TMUB1: variants seen among roughly 807,000 people sequenced by gnomAD.
TMUB1 encodes transmembrane and ubiquitin like domain containing 1.
TMUB1 carries 9 observed loss-of-function variants against 16.2 expected under a neutral mutation model. The observed-to-expected ratio is 0.55, with a 90% confidence interval of 0.33 to 0.97. The LOEUF (loss-of-function observed/expected upper bound fraction) is 0.97. Among genes scored for constraint, TMUB1 ranks in the 50% least tolerant of loss-of-function variants. The probability of loss-of-function intolerance (pLI) is 0.03; values close to 1 mark genes in which losing one functional copy is unlikely to be tolerated. For synonymous variants in TMUB1, 155 were observed against 152.2 expected (o/e 1.02, Z -0.13); for missense variants, 309 against 313.5 (o/e 0.99, Z 0.11).
chr7:151,081,591 G>A lies in TMUB1; in HGVS notation c.699C>T (p.Thr233=). The A allele has an allele frequency of 1.9e-6, 3 of 1,608,886 alleles. No homozygotes were observed. The highest frequency in any genetic ancestry group is 2.5e-6 in the Non-Finnish European group (3 of 1,178,562). ...CAAAGGCCAGGAGACTGAGGAGCAG[G>A]GTGAAGCCGGCCAGGCCCAGAGTGG... ...LTATLGLAGF[T]LLLSLLAFAM... The change falls in exon 3 of 3, where the codon ACC becomes ACT. Residue 233 remains threonine, a synonymous_variant. Coordinates refer to ENST00000297533, the MANE Select transcript of TMUB1 (RefSeq NM_001136044.2). This position sits in a 1 kb window ranked among gnomAD's most constrained non-coding sequence, Gnocchi z 7.6.
Position 151,082,097 on chromosome 7 carries a change from AG to A in TMUB1, c.389+77del. On this transcript the variant is annotated intron_variant, in intron 2 of 2. Transcript: ENST00000297533. This position sits in a 1 kb window ranked among gnomAD's most constrained non-coding sequence, Gnocchi z 7.0. Reference sequence around the variant, plus strand: ...CCAGTATAAAGGAGGGCTGGGTCTTAGGTGTCTCTGGGGGCCTTCTGCGACC... The same window carrying A: ...CCAGTATAAAGGAGGGCTGGGTCTTAGTGTCTCTGGGGGCCTTCTGCGACC... The A allele has an allele frequency of 6.8e-7, 1 of 1,473,028 alleles. No homozygotes were observed. Among genetic ancestry groups the A allele is most frequent in the East Asian group, 2.4e-5 (1 of 41,478 alleles). The allele number at this position is 1,473,028 out of a possible 1,614,324, so 91.2% of individuals were successfully genotyped here.
At position 151,082,033 on chromosome 7, in the gene TMUB1, G is replaced by C; in HGVS notation, c.390-133C>G. ...TGGCCTGGGAGGGGCCGTCTGCCAG[G>C]GGAACAAGTACAGTTGTGATCTGGG... On this transcript the variant is annotated intron_variant, in intron 2 of 2. Coordinates refer to ENST00000297533, the MANE Select transcript of TMUB1 (RefSeq NM_001136044.2). This position sits in a 1 kb window ranked among gnomAD's most constrained non-coding sequence, Gnocchi z 7.0. 1 of 1,402,704 alleles carries C rather than the reference G, an allele frequency of 7.1e-7. No homozygotes were observed. Among genetic ancestry groups the C allele is most frequent in the Non-Finnish European group, 9.5e-7 (1 of 1,056,082 alleles). The allele number at this position is 1,402,704 out of a possible 1,614,324, so 86.9% of individuals were successfully genotyped here. A position where few individuals can be genotyped will look rare whatever the true frequency, so the allele number is the denominator to read the frequency against.
At position 151,081,304 on chromosome 7, in the gene TMUB1, C is replaced by A. The variant is rs1797976217; in HGVS notation, c.*245G>T. The A allele has an allele frequency of 3.8e-6, 2 of 531,762 alleles. No homozygotes were observed. Among genetic ancestry groups the A allele is most frequent in the Non-Finnish European group, 5.3e-6 (2 of 379,632 alleles). The allele number at this position is 531,762 out of a possible 1,614,324, so 32.9% of individuals were successfully genotyped here. Reference sequence around the variant, plus strand: ...CGAGGCAGCGACAGCAGATGCCCGACCCCGAGGAGCCCACTCCCAGTGCGG... The same window carrying A: ...CGAGGCAGCGACAGCAGATGCCCGAACCCGAGGAGCCCACTCCCAGTGCGG... On this transcript the variant is annotated 3_prime_UTR_variant, in exon 3 of 3. Coordinates refer to ENST00000297533, the MANE Select transcript of TMUB1 (RefSeq NM_001136044.2). This position sits in a 1 kb window ranked among gnomAD's most constrained non-coding sequence, Gnocchi z 7.6.
chr7:151,082,051 G>C lies in TMUB1; in HGVS notation c.389+124C>G. The C allele has an allele frequency of 7.1e-7, 1 of 1,417,378 alleles. No homozygotes were observed. Among genetic ancestry groups the C allele is most frequent in the Non-Finnish European group, 9.4e-7 (1 of 1,067,144 alleles). 87.8% of individuals were successfully genotyped at this position (1,417,378 alleles called of 1,614,324 possible). On this transcript the variant is annotated intron_variant, in intron 2 of 2. Transcript: ENST00000297533. The surrounding 1 kb of genome is among the most constrained non-coding windows in gnomAD (Gnocchi z 7.0). The stretch of plus-strand genomic sequence containing the variant: ...CTGCCAGGGGAACAAGTACAGTTGT[G>C]ATCTGGGGCGCTCAGCGCCTCCAGT...
In TMUB1 at chr7:151,081,722, G is replaced by T; in HGVS notation, c.568C>A (p.Pro190Thr). The change falls in exon 3 of 3, where the codon CCC becomes ACC. Residue 190 changes from proline (P) to threonine (T), a missense_variant. Transcript: ENST00000297533. The surrounding 1 kb of genome is among the most constrained non-coding windows in gnomAD (Gnocchi z 7.6). ...AGGCTGCCGATTTCCAGCCCGGAGG[G>T]GCCGGGCTCGGACCCCGGCGGGCAG... ...PPCPPGSEPGPSGLEIGSLLL... is the reference protein window; with the variant it reads ...PPCPPGSEPGTSGLEIGSLLL... 6.3e-7 allele frequency: 1 copy of T among 1,583,302 alleles called. No individual in the cohort carries two copies. Among genetic ancestry groups the T allele is most frequent in the East Asian group, 2.3e-5 (1 of 43,990 alleles).
rs1585017163 is a variant in TMUB1 at position 151,081,387 on chromosome 7, C to G, written c.*162G>C. 8.3e-7 allele frequency: 1 copy of G among 1,208,028 alleles called. No individual in the cohort carries two copies. The highest frequency in any genetic ancestry group is 3.6e-5 in the East Asian group (1 of 28,072). 74.8% of individuals were successfully genotyped at this position (1,208,028 alleles called of 1,614,324 possible). On this transcript the variant is annotated 3_prime_UTR_variant, in exon 3 of 3. Transcript: ENST00000297533. The surrounding 1 kb of genome is among the most constrained non-coding windows in gnomAD (Gnocchi z 7.6). ...GAGCCCCGGCGGTCGCAGGGCGGGG[C>G]CTCCGCCAGTCCCGGGAGTCCTCTG...
In TMUB1 at chr7:151,081,639, G is replaced by A. The variant is rs760266835; in HGVS notation, c.651C>T (p.Tyr217=). 1.2e-6 allele frequency: 2 copies of A among 1,600,906 alleles called. No homozygotes were observed. The highest frequency in any genetic ancestry group is 2.2e-5 in the South Asian group (2 of 89,378). Reference sequence around the variant, plus strand: ...TGGCGGTCAGGGGAAAGAAGGGCCGGTACTGGATCTGGCAGTACCAGAGCA... The same window carrying A: ...TGGCGGTCAGGGGAAAGAAGGGCCGATACTGGATCTGGCAGTACCAGAGCA... The part of the protein sequence containing the change: ...LLLLWYCQIQ[Y]RPFFPLTATL... Residue 217 remains tyrosine, a synonymous_variant, in exon 3 of 3, where the codon TAC becomes TAT. Coordinates refer to ENST00000297533, the MANE Select transcript of TMUB1 (RefSeq NM_001136044.2). The surrounding 1 kb of genome is among the most constrained non-coding windows in gnomAD (Gnocchi z 7.6).
Position 151,081,750 on chromosome 7 carries a change from G to T in TMUB1, c.540C>A (p.Pro180=), listed in dbSNP as rs1486893707. Residue 180 remains proline (P), a synonymous_variant, in exon 3 of 3, where the codon CCC becomes CCA. Coordinates refer to ENST00000297533, the MANE Select transcript of TMUB1 (RefSeq NM_001136044.2). This position sits in a 1 kb window ranked among gnomAD's most constrained non-coding sequence, Gnocchi z 7.6. ...HVSTRVGPPN[P]PCPPGSEPGP... is the part of the protein sequence containing the mutation. ...CGGGCTCGGACCCCGGCGGGCAGGG[G>T]GGATTTGGGGGACCGACTCTCGTGG... 3.1e-6 allele frequency: 5 copies of T among 1,592,650 alleles called. No homozygotes were observed. In the South Asian group the frequency reaches 4.6e-5, roughly 15 times the overall value.
rs1187581540 is a variant in TMUB1, at chr7:151,081,308, G to A, written c.*241C>T. Reference sequence around the variant, plus strand: ...GCAGCGACAGCAGATGCCCGACCCCGAGGAGCCCACTCCCAGTGCGGGCTG... The same window carrying A: ...GCAGCGACAGCAGATGCCCGACCCCAAGGAGCCCACTCCCAGTGCGGGCTG... On this transcript the variant is annotated 3_prime_UTR_variant, in exon 3 of 3. Coordinates refer to ENST00000297533, the MANE Select transcript of TMUB1 (RefSeq NM_001136044.2). This position sits in a 1 kb window ranked among gnomAD's most constrained non-coding sequence, Gnocchi z 7.6. 10 of 573,226 alleles carry A rather than the reference G, an allele frequency of 1.7e-5. No homozygotes were observed. Among genetic ancestry groups the A allele is most frequent in the African/African-American group, 2.0e-5 (1 of 50,344 alleles). 35.5% of individuals were successfully genotyped at this position (573,226 alleles called of 1,614,324 possible).
rs957931480 is a variant in TMUB1, at chr7:151,081,957, C to A, written c.390-57G>T. On this transcript the variant is annotated intron_variant, in intron 2 of 2. Transcript: ENST00000297533. The surrounding 1 kb of genome is among the most constrained non-coding windows in gnomAD (Gnocchi z 7.6). ...GGCCTCAGGCAATCCTAGTCCCTGG[C>A]CCCGGAACAGCACTCCCACCCTCCC... 1.4e-6 allele frequency: 2 copies of A among 1,445,048 alleles called. No individual in the cohort carries two copies. Among genetic ancestry groups the A allele is most frequent in the Admixed American group, 5.3e-5 (2 of 37,898 alleles). 89.5% of individuals were successfully genotyped at this position (1,445,048 alleles called of 1,614,324 possible).
At position 151,082,359 on chromosome 7, in the gene TMUB1, C is replaced by T; in HGVS notation, c.205G>A (p.Ala69Thr). Reference protein sequence around the residue: ...TDSMRGEAPGAETPSLRHRGQ... With the variant: ...TDSMRGEAPGTETPSLRHRGQ... The stretch of plus-strand genomic sequence containing the variant: ...CTGTGTCTCAGGCTGGGGGTCTCTG[C>T]CCCTGGGGCCTCCCCTCTCATGCTG... The change falls in exon 2 of 3, where the codon GCA (alanine) becomes ACA (threonine). Residue 69 changes from alanine (A) to threonine (T), a missense_variant. Ala to Thr is a moderately conservative substitution (Grantham distance 58). Transcript: ENST00000297533. This position sits in a 1 kb window ranked among gnomAD's most constrained non-coding sequence, Gnocchi z 7.0. 6.3e-7 allele frequency: 1 copy of T among 1,595,804 alleles called. No homozygotes were observed. Among genetic ancestry groups the T allele is most frequent in the Non-Finnish European group, 8.5e-7 (1 of 1,170,730 alleles).
chr7:151,082,448 G>T lies in TMUB1; in HGVS notation c.116C>A (p.Pro39Gln), dbSNP rs757993678. Residue 39 changes from proline to glutamine, a missense_variant, in exon 2 of 3, where the codon CCA (proline) becomes CAA (glutamine). By Grantham distance (76) the Pro-to-Gln change is moderately conservative. Coordinates refer to ENST00000297533, the MANE Select transcript of TMUB1 (RefSeq NM_001136044.2). This position sits in a 1 kb window ranked among gnomAD's most constrained non-coding sequence, Gnocchi z 7.0. ...TGGGGTCCCTGACGGCTGGGGCAGTGGGTCCCCGCCCTCAGCGGTGTGCGT... is the reference window on the plus strand; with the variant it reads ...TGGGGTCCCTGACGGCTGGGGCAGTTGGTCCCCGCCCTCAGCGGTGTGCGT... ...VSTHTAEGGD[P>Q]LPQPSGTPTP... 6.2e-7 allele frequency: 1 copy of T among 1,608,902 alleles called. No homozygotes were observed. Among genetic ancestry groups the T allele is most frequent in the Admixed American group, 1.7e-5 (1 of 59,490 alleles).
At position 151,082,351 on chromosome 7, in the gene TMUB1, G is replaced by C. The variant is rs1585018795; in HGVS notation, c.213C>G (p.Thr71=). 6.3e-7 allele frequency: 1 copy of C among 1,597,736 alleles called. No homozygotes were observed. The highest frequency in any genetic ancestry group is 8.5e-7 in the Non-Finnish European group (1 of 1,171,116). Residue 71 remains threonine (T), a synonymous_variant, in exon 2 of 3, where the codon ACC becomes ACG. Coordinates refer to ENST00000297533, the MANE Select transcript of TMUB1 (RefSeq NM_001136044.2). The surrounding 1 kb of genome is among the most constrained non-coding windows in gnomAD (Gnocchi z 7.0). ...CTTGACCTCTGTGTCTCAGGCTGGG[G>C]GTCTCTGCCCCTGGGGCCTCCCCTC... The part of the protein sequence containing the change: ...SMRGEAPGAE[T]PSLRHRGQAA...
rs538755959 is a variant in TMUB1, at chr7:151,081,795, G to A, written c.495C>T (p.Cys165=). 2 of 1,584,712 alleles carry A rather than the reference G, an allele frequency of 1.3e-6. No individual in the cohort carries two copies. The highest frequency in any genetic ancestry group is 2.3e-5 in the East Asian group (1 of 43,920). Residue 165 remains cysteine, a synonymous_variant, in exon 3 of 3, where the codon TGC becomes TGT. Coordinates refer to ENST00000297533, the MANE Select transcript of TMUB1 (RefSeq NM_001136044.2). The surrounding 1 kb of genome is among the most constrained non-coding windows in gnomAD (Gnocchi z 7.6). ...TLGSLHLPPN[C]VLHCHVSTRV... is the part of the protein sequence containing the mutation. ...TCGTGGACACGTGGCAGTGGAGAAC[G>A]CAGTTGGGAGGGAGGTGAAGGCTGC... is the stretch of plus-strand genomic sequence containing the variant.
Position 151,082,828 on chromosome 7 carries a change from C to T in TMUB1, c.-30-235G>A. 1 of 377,782 alleles carries T rather than the reference C, an allele frequency of 2.6e-6. No homozygotes were observed. The highest frequency in any genetic ancestry group is 4.7e-6 in the Non-Finnish European group (1 of 212,064). The allele number at this position is 377,782 out of a possible 1,614,324, so 23.4% of individuals were successfully genotyped here. On this transcript the variant is annotated intron_variant, in intron 1 of 2. Coordinates refer to ENST00000297533, the MANE Select transcript of TMUB1 (RefSeq NM_001136044.2). This position sits in a 1 kb window ranked among gnomAD's most constrained non-coding sequence, Gnocchi z 7.0. ...ACTTTCTGTCATCTGAGCTCGAGGTCTTCAACCAGCTCCCAACTCACCCAA... is the reference window on the plus strand; with the variant it reads ...ACTTTCTGTCATCTGAGCTCGAGGTTTTCAACCAGCTCCCAACTCACCCAA...
At position 151,081,407 on chromosome 7, in the gene TMUB1, C is replaced by A. The variant is rs1195711878; in HGVS notation, c.*142G>T. 12 of 1,274,886 alleles carry A rather than the reference C, an allele frequency of 9.4e-6. No homozygotes were observed. The highest frequency in any genetic ancestry group is 1.1e-5 in the Non-Finnish European group (11 of 1,009,904). The allele number at this position is 1,274,886 out of a possible 1,614,324, so 79.0% of individuals were successfully genotyped here. On this transcript the variant is annotated 3_prime_UTR_variant, in exon 3 of 3. Coordinates refer to ENST00000297533, the MANE Select transcript of TMUB1 (RefSeq NM_001136044.2). This position sits in a 1 kb window ranked among gnomAD's most constrained non-coding sequence, Gnocchi z 7.6. ...CGGGGCCTCCGCCAGTCCCGGGAGT[C>A]CTCTGCGGCGCAGGGCTGGGCTCCA...
In TMUB1 at chr7:151,082,280, G is replaced by T. The variant is rs200398653; in HGVS notation, c.284C>A (p.Ala95Asp). 19 of 1,593,462 alleles carry T rather than the reference G, an allele frequency of 1.2e-5. No individual in the cohort carries two copies. The highest frequency in any genetic ancestry group is 1.7e-6 in the Non-Finnish European group (2 of 1,168,336). Reference protein sequence around the residue: ...PSTGFTATPPAPDSPQEPLVL... With the variant: ...PSTGFTATPPDPDSPQEPLVL... ...GAGGGGCTCCTGCGGGGAGTCCGGGGCTGGCGGTGTTGCTGTGAACCCCGT... is the reference window on the plus strand; with the variant it reads ...GAGGGGCTCCTGCGGGGAGTCCGGGTCTGGCGGTGTTGCTGTGAACCCCGT... The change falls in exon 2 of 3, where the codon GCC (alanine) becomes GAC (aspartate). Residue 95 changes from alanine (A) to aspartate (D), a missense_variant. Ala to Asp is a moderately radical substitution (Grantham distance 126). Transcript: ENST00000297533. This position sits in a 1 kb window ranked among gnomAD's most constrained non-coding sequence, Gnocchi z 7.0.
chr7:151,081,596 AGCC>A lies in TMUB1; in HGVS notation c.691_693del (p.Gly231del). 1 of 1,608,976 alleles carries A rather than the reference AGCC, an allele frequency of 6.2e-7. No individual in the cohort carries two copies. The highest frequency in any genetic ancestry group is 8.5e-7 in the Non-Finnish European group (1 of 1,178,574). On this transcript the variant is annotated inframe_deletion, in exon 3 of 3. Transcript: ENST00000297533. This position sits in a 1 kb window ranked among gnomAD's most constrained non-coding sequence, Gnocchi z 7.6. ...GCCAGGAGACTGAGGAGCAGGGTGA[AGCC>A]GGCCAGGCCCAGAGTGGCGGTCAGG...
Position 151,081,931 on chromosome 7 carries a change from A to C in TMUB1, c.390-31T>G, listed in dbSNP as rs1436615143. ...GAGAGAGGGACCTGGGTAAGAGAGC[A>C]GGCCTCAGGCAATCCTAGTCCCTGG... On this transcript the variant is annotated intron_variant, in intron 2 of 2. Transcript: ENST00000297533. The surrounding 1 kb of genome is among the most constrained non-coding windows in gnomAD (Gnocchi z 7.6). 6.9e-7 allele frequency: 1 copy of C among 1,457,328 alleles called. No individual in the cohort carries two copies. Among genetic ancestry groups the C allele is most frequent in the Non-Finnish European group, 9.0e-7 (1 of 1,106,990 alleles). The allele number at this position is 1,457,328 out of a possible 1,614,324, so 90.3% of individuals were successfully genotyped here. A position where few individuals can be genotyped will look rare whatever the true frequency, so the allele number is the denominator to read the frequency against.
Sources: gnomAD v4.1 joint callset for allele counts on GRCh38, gnomAD v4.1.1 for gene constraint, Gnocchi (gnomAD v3.1) non-coding constraint, MANE v1.5 for transcripts, NCBI Gene and HGNC (gene_info 2026-07-23, HGNC 2026-07-21) for gene names.